MTMR7: variants seen among roughly 807,000 people sequenced by gnomAD.
MTMR7 encodes phosphatidylinositol-3-phosphate phosphatase MTMR7.
In MTMR7, 76 loss-of-function variants were observed where a neutral mutation model predicts 81.2. The observed-to-expected ratio is 0.94, with a 90% CI of 0.78 to 1.13. The LOEUF (loss-of-function observed/expected upper bound fraction) is 1.13, where lower values mean the gene tolerates loss of function less well. Ranked by LOEUF, MTMR7 falls within the 50% of genes most tolerant of loss-of-function variation. The probability of loss-of-function intolerance (pLI) is 0.00; values close to 1 mark genes in which losing one functional copy is unlikely to be tolerated. For synonymous variants in MTMR7, 372 were observed against 289.8 expected, an observed-to-expected ratio of 1.28 and a Z score of -2.88; for missense variants, 1,044 against 820.0, an observed-to-expected ratio of 1.27 and a Z score of -3.34.
intron 5 of MTMR7, among the ~76,000 whole-genome samples, chr8:17,345,014 A>G (rs1819509018): frequency 6.6e-6 from 1 of 152,198 alleles, no homozygotes; most frequent in Admixed American, 6.5e-5. Context: ...AGCAATTCTA[A>G]GAACTCTCAA....
At chr8:17,338,571 C>T (rs1399907345) in intron 6 of MTMR7, among the ~76,000 whole-genome samples, 1 of 152,108 alleles carries the variant, frequency 6.6e-6, no homozygotes, top group Non-Finnish European at 1.5e-5. Flanking sequence ...CCCCACCTTG[C>T]TTCAACAAAG....
chr8:17,400,993 C>T (rs1216741266), intron 1 of MTMR7, among the ~76,000 whole-genome samples: 2 of 152,094 alleles, frequency 1.3e-5, no homozygotes, highest in Non-Finnish European at 2.9e-5. Context: ...ACAGAACACA[C>T]GGTCTGTTAT....
At chr8:17,319,544 T>C (rs574738069) in intron 7 of MTMR7, among the ~76,000 whole-genome samples, 136 of 152,332 alleles carry the variant, frequency 8.9e-4, no homozygotes, top group Middle Eastern at 3.4e-3. Flanking sequence ...GCTACCTTGG[T>C]GGGTTTTACC....
At chr8:17,341,239 C>A in intron 6 of MTMR7, 124 bp downstream of exon 6, 1 of 1,318,876 alleles carries the variant, frequency 7.6e-7, no homozygotes, top group South Asian at 1.4e-5. Flanking sequence ...ACTGACTATG[C>A]CAAGAGGAAC....
intron 12 of MTMR7, 147 bp from the exon 13 acceptor site, chr8:17,302,427 A>T: frequency 1.2e-6 from 1 of 808,770 alleles, no homozygotes; most frequent in Non-Finnish European, 1.8e-6. Flanking sequence ...ACTTAAGGTA[A>T]TAATTTCATG....
chr8:17,315,437 C>G (rs1041015683), intron 7 of MTMR7, among the ~76,000 whole-genome samples: 10 of 152,050 alleles, frequency 6.6e-5, no homozygotes, highest in African/African-American at 2.4e-4. Flanking sequence ...ACAGAATGTC[C>G]AACAGCAAGA....
At chr8:17,332,529 C>T (rs28507408) in intron 6 of MTMR7, among the ~76,000 whole-genome samples, 6,852 of 152,186 alleles carry the variant, frequency 0.045, 428 homozygotes, top group African/African-American at 0.14. Context: ...CTGAGGCTTA[C>T]GATGGGGTTA....
chr8:17,393,792 C>T (rs931742295), intron 1 of MTMR7, among the ~76,000 whole-genome samples: 2 of 152,162 alleles, frequency 1.3e-5, no homozygotes, highest in African/African-American at 4.8e-5. Context: ...CAACAAACCA[C>T]TCTGACACGT....
chr8:17,364,659 G>A (rs1055199850), intron 3 of MTMR7, among the ~76,000 whole-genome samples: 2 of 152,114 alleles, frequency 1.3e-5, no homozygotes, highest in Non-Finnish European at 1.5e-5. Context: ...ACATGTAAGT[G>A]AGAACATATG....
At chr8:17,405,264 CAAG>C (rs1821544011) in intron 1 of MTMR7, among the ~76,000 whole-genome samples, 1 of 152,196 alleles carries the variant, frequency 6.6e-6, no homozygotes, top group South Asian at 2.1e-4. Flanking sequence ...TACAACCTAA[CAAG>C]TAGCCTCCCA....
chr8:17,344,456 C>A (rs907314208), intron 5 of MTMR7, among the ~76,000 whole-genome samples: 7 of 152,144 alleles, frequency 4.6e-5, no homozygotes, highest in Non-Finnish European at 1.0e-4. Context: ...ACCAAAAATA[C>A]AAAAATTAGC....
At chr8:17,311,662 G>A in intron 8 of MTMR7, 26 bp from the exon 9 acceptor site, 1 of 1,613,788 alleles carries the variant, frequency 6.2e-7, no homozygotes. Flanking sequence ...TCCGCAAAGA[G>A]TCACAAAGAA....
At chr8:17,378,068 T>C (rs1022200192) in intron 1 of MTMR7, among the ~76,000 whole-genome samples, 1 of 152,178 alleles carries the variant, frequency 6.6e-6, no homozygotes, top group African/African-American at 2.4e-5. Context: ...GAATAAGGTA[T>C]GCAGATGTTG....
At chr8:17,312,070 C>A (rs1414691241) in intron 8 of MTMR7, among the ~76,000 whole-genome samples, 1 of 152,032 alleles carries the variant, frequency 6.6e-6, no homozygotes, top group Non-Finnish European at 1.5e-5. Flanking sequence ...AGGTAAGCGT[C>A]AAGTAATGGA....
intron 7 of MTMR7, among the ~76,000 whole-genome samples, chr8:17,325,076 A>G (rs896737577): frequency 2.0e-5 from 3 of 152,014 alleles, no homozygotes; most frequent in Admixed American, 1.3e-4. Flanking sequence ...AGCACTCCAT[A>G]AAGACATGAG....
chr8:17,305,150 G>A (rs578158054), intron 11 of MTMR7, among the ~76,000 whole-genome samples: 8 of 152,130 alleles, frequency 5.3e-5, no homozygotes, highest in Non-Finnish European at 1.2e-4. Flanking sequence ...TTTTCTTTAT[G>A]AGTCCATTTC....
chr8:17,306,112 T>A (rs1276000722), intron 10 of MTMR7, among the ~76,000 whole-genome samples, 155 bp from the exon 11 acceptor site: 1 of 152,210 alleles, frequency 6.6e-6, no homozygotes, highest in Non-Finnish European at 1.5e-5. Flanking sequence ...GTTAAGATTT[T>A]AAATTCAAAT....
chr8:17,368,856 G>GA, intron 3 of MTMR7, among the ~76,000 whole-genome samples: 1 of 152,264 alleles, frequency 6.6e-6, no homozygotes, highest in South Asian at 2.1e-4. Flanking sequence ...ATTTCTTTTA[G>GA]AAAAGGTAGC....
intron 5 of MTMR7, among the ~76,000 whole-genome samples, chr8:17,344,433 G>A (rs766585668): frequency 6.6e-6 from 1 of 152,146 alleles, no homozygotes; most frequent in Non-Finnish European, 1.5e-5. Flanking sequence ...CCAACATGGT[G>A]AAACCTGTCT....
Sources: gnomAD v4.1 joint callset for allele counts (sites outside exome capture counted in the v4.1 genomes callset) on GRCh38, gnomAD v4.1.1 for gene constraint, MANE v1.5 for transcripts, NCBI Gene and HGNC (gene_info 2026-07-23, HGNC 2026-07-21) for gene names.